Variants in CRADD observed in about 807,000 individuals in gnomAD.
The protein encoded by CRADD is death domain-containing protein CRADD.
Under a neutral mutation model 15.5 loss-of-function variants are expected in CRADD, and 9 were observed. The observed-to-expected ratio is 0.58, with a 90% CI of 0.35 to 1.01. The LOEUF is 1.01. Among genes scored for constraint, CRADD ranks in the 50% least tolerant of loss-of-function variants. The probability of loss-of-function intolerance (pLI) is 0.02; values close to 1 mark genes in which losing one functional copy is unlikely to be tolerated. For missense variants in CRADD, 227 were observed against 250.3 expected, an observed-to-expected ratio of 0.91 and a Z score of 0.63; for synonymous variants, 118 against 107.6, an observed-to-expected ratio of 1.10 and a Z score of -0.60.
intron 2 of CRADD, among the ~76,000 whole-genome samples, chr12:93,864,109 G>C (rs1164097534): frequency 2.0e-5 from 3 of 152,148 alleles, no homozygotes; most frequent in Non-Finnish European, 4.4e-5. Flanking sequence ...CTGTTCCCCA[G>C]GCAGGCACAG....
chr12:93,797,980 G>A (rs1957438126), intron 2 of CRADD, among the ~76,000 whole-genome samples: 1 of 152,084 alleles, frequency 6.6e-6, no homozygotes, highest in Non-Finnish European at 1.5e-5. Context: ...TCAGGCTTTG[G>A]GTGATTTATT....
intron 2 of CRADD, among the ~76,000 whole-genome samples, chr12:93,732,077 G>A (rs575463237): frequency 6.3e-4 from 96 of 151,870 alleles, no homozygotes; most frequent in African/African-American, 1.8e-3. Context: ...TGGAGGTTGC[G>A]GTGAGCCGAG....
rs181839927 is a variant in CRADD at position 93,785,538 on chromosome 12, C to A, written c.299-64432C>A. Among the ~76,000 whole-genome samples the A allele has an allele frequency of 3.0e-4, 46 of 152,262 alleles. 1 individual carries two copies. The East Asian group carries it at 8.1e-3, about 27-fold the overall frequency. The stretch of plus-strand genomic sequence containing the variant: ...AGTATTCAACCACAGCTACTGCTGG[C>A]AGCTCCTGGCAGAACAGGAATGGGA... On this transcript the variant is annotated intron_variant, in intron 2 of 2. Transcript: ENST00000332896.
chr12:93,868,760 T>C (rs1958393128), intron 2 of CRADD, among the ~76,000 whole-genome samples: 1 of 151,746 alleles, frequency 6.6e-6, no homozygotes, highest in Admixed American at 6.6e-5. Context: ...ATTATACATA[T>C]TGAACTGGTT....
intron 2 of CRADD, among the ~76,000 whole-genome samples, chr12:93,755,999 A>G (rs930195742): frequency 2.6e-5 from 4 of 152,226 alleles, no homozygotes; most frequent in Admixed American, 6.5e-5. Context: ...AGCAGAAAAG[A>G]TAAAGATATC....
At chr12:93,739,359 A>C (rs1482232333) in intron 2 of CRADD, among the ~76,000 whole-genome samples, 2 of 151,908 alleles carry the variant, frequency 1.3e-5, no homozygotes, top group Admixed American at 6.6e-5. Context: ...TCTAAAGTAT[A>C]TAACATATTA....
intron 2 of CRADD, among the ~76,000 whole-genome samples, chr12:93,861,474 G>A (rs1958319007): frequency 6.6e-6 from 1 of 152,204 alleles, no homozygotes; most frequent in Admixed American, 6.5e-5. Context: ...ATGGCCTTTG[G>A]CTGTCAGCCC....
At chr12:93,800,783 TG>T (rs1957469164) in intron 2 of CRADD, among the ~76,000 whole-genome samples, 1 of 152,204 alleles carries the variant, frequency 6.6e-6, no homozygotes, top group African/African-American at 2.4e-5. Flanking sequence ...TTACTCAATC[TG>T]TTGATTCAAA....
intron 2 of CRADD, among the ~76,000 whole-genome samples, chr12:93,831,986 A>C (rs1188874404): frequency 1.3e-5 from 2 of 152,224 alleles, no homozygotes; most frequent in African/African-American, 4.8e-5. Context: ...ATTTGCAGTC[A>C]GTGAAAACAT....
intron 2 of CRADD, among the ~76,000 whole-genome samples, chr12:93,759,780 A>C (rs987567973): frequency 2.6e-5 from 4 of 152,256 alleles, no homozygotes; most frequent in Non-Finnish European, 5.9e-5. Context: ...AAATACAGGA[A>C]AATATGTAGC....
chr12:93,892,974 A>C (rs1392513260), intron 2 of CRADD, among the ~76,000 whole-genome samples: 1 of 152,208 alleles, frequency 6.6e-6, no homozygotes, highest in African/African-American at 2.4e-5. Flanking sequence ...GAAAGAACAC[A>C]GGCTGTGCTG....
chr12:93,744,048 C>G (rs1345523489), intron 2 of CRADD, among the ~76,000 whole-genome samples: 1 of 152,116 alleles, frequency 6.6e-6, no homozygotes, highest in African/African-American at 2.4e-5. Flanking sequence ...TATTCGTTTT[C>G]TATTACGGGC....
intron 2 of CRADD, among the ~76,000 whole-genome samples, chr12:93,717,033 G>T (rs1956174753): frequency 6.6e-6 from 1 of 152,212 alleles, no homozygotes; most frequent in African/African-American, 2.4e-5. Flanking sequence ...CACTATACCA[G>T]CATTTGGTGT....
At chr12:93,742,136 G>A (rs535146536) in intron 2 of CRADD, among the ~76,000 whole-genome samples, 1 of 152,168 alleles carries the variant, frequency 6.6e-6, no homozygotes, top group Non-Finnish European at 1.5e-5. Context: ...AGCCCAAAAT[G>A]AAGTTCCCGA....
intron 2 of CRADD, among the ~76,000 whole-genome samples, chr12:93,716,067 G>T (rs935495027): frequency 2.6e-5 from 4 of 151,806 alleles, no homozygotes; most frequent in African/African-American, 9.7e-5. Flanking sequence ...AGGAGGCGGA[G>T]GTTGCAGTGA....
chr12:93,778,599 G>T (rs1436272032), intron 2 of CRADD, among the ~76,000 whole-genome samples: 1 of 152,076 alleles, frequency 6.6e-6, no homozygotes, highest in Non-Finnish European at 1.5e-5. Context: ...CTCTCATTCA[G>T]TACGTGAAGA....
rs11107238 is a variant in CRADD at position 93,889,712 on chromosome 12, C to T, written c.299-4338C>T. On this transcript the variant is annotated intron_variant, in intron 2 of 2. Coordinates refer to the CRADD transcript ENST00000548483. ...GATGCAACTGGAGGTGATGCCGTAA[C>T]ATAAAGAGATAGCCCCGGAAGTGAT... Among the ~76,000 whole-genome samples the T allele has an allele frequency of 1.1e-4, 17 of 152,228 alleles. No individual in the cohort carries two copies. In the East Asian group the frequency reaches 2.9e-3, roughly 26 times the overall value.
intron 2 of CRADD, among the ~76,000 whole-genome samples, chr12:93,891,161 G>A (rs1052274489): frequency 8.5e-5 from 13 of 152,140 alleles, no homozygotes; most frequent in African/African-American, 2.9e-4. Context: ...CCTGAGGGCT[G>A]TGTCACAGGC....
chr12:93,742,571 G>A (rs905966273), intron 2 of CRADD, among the ~76,000 whole-genome samples: 1 of 152,082 alleles, frequency 6.6e-6, no homozygotes, highest in African/African-American at 2.4e-5. Flanking sequence ...AATACGGAGC[G>A]ATCAGCTTGT....
Sources: gnomAD v4.1 joint callset for allele counts (sites outside exome capture counted in the v4.1 genomes callset) on GRCh38, gnomAD v4.1.1 for gene constraint, MANE v1.5 for transcripts, NCBI Gene and HGNC (gene_info 2026-07-23, HGNC 2026-07-21) for gene names.